The following PEBP4 variants were observed in gnomAD, a reference collection of about 807,000 sequenced individuals.
PEBP4 encodes the protein phosphatidylethanolamine-binding protein 4.
In PEBP4, 22 loss-of-function variants were observed where a neutral mutation model predicts 23.9. The ratio of observed to expected loss-of-function variants is 0.92; its 90% CI spans 0.66 to 1.31. The LOEUF (loss-of-function observed/expected upper bound fraction) is 1.31, where lower values mean the gene tolerates loss of function less well. Ranked by LOEUF, PEBP4 falls within the 40% of genes most tolerant of loss-of-function variation. The probability of loss-of-function intolerance (pLI) is 0.00; values close to 1 mark genes in which losing one functional copy is unlikely to be tolerated. For synonymous variants in PEBP4, 112 were observed against 99.3 expected, an observed-to-expected ratio of 1.13 and a Z score of -0.76; for missense variants, 324 against 281.7, an observed-to-expected ratio of 1.15 and a Z score of -1.07.
chr8:22,838,665 C>A (rs1423544805), intron 3 of PEBP4, among the ~76,000 whole-genome samples: 6 of 152,290 alleles, frequency 3.9e-5, no homozygotes, highest in Non-Finnish European at 7.3e-5. Context: ...ACCCAGGAAG[C>A]CTCGGCGGTG....
chr8:22,721,962 C>G (rs1307103526), intron 6 of PEBP4, among the ~76,000 whole-genome samples: 1 of 152,202 alleles, frequency 6.6e-6, no homozygotes, highest in Non-Finnish European at 1.5e-5. Flanking sequence ...TCATCCACAC[C>G]TCACTGCCTC....
At chr8:22,723,422 T>G (rs1230178088) in intron 6 of PEBP4, among the ~76,000 whole-genome samples, 2 of 151,996 alleles carry the variant, frequency 1.3e-5, no homozygotes, top group Non-Finnish European at 2.9e-5. Context: ...TATCCTTCCC[T>G]CCATCCTGCC....
At chr8:22,836,131 C>A (rs1807200193) in intron 3 of PEBP4, among the ~76,000 whole-genome samples, 1 of 152,246 alleles carries the variant, frequency 6.6e-6, no homozygotes, top group Admixed American at 6.5e-5. Context: ...CCTAAACTCT[C>A]TGGGCCTCAG....
At chr8:22,730,053 A>G (rs34040712) in intron 4 of PEBP4, among the ~76,000 whole-genome samples, 21,410 of 152,180 alleles carry the variant, frequency 0.14, 1,941 homozygotes, top group Middle Eastern at 0.21. Flanking sequence ...GAGATCAGCT[A>G]ACTCAAGGTC....
chr8:22,817,804 TCCTTTTCCCGCCATTCCAACCGAGAA>T (rs1806776602), intron 3 of PEBP4, 69 bp from the exon 4 acceptor site: 1 of 1,403,318 alleles, frequency 7.1e-7, no homozygotes, highest in African/African-American at 1.4e-5. Context: ...GGGGCAGACC[TCCTTTTCCCGCCATTCCAACCGAGAA>T]TGGCTGAGTA....
At chr8:22,848,836 G>T (rs1381804021) in intron 3 of PEBP4, among the ~76,000 whole-genome samples, 1 of 152,216 alleles carries the variant, frequency 6.6e-6, no homozygotes, top group South Asian at 2.1e-4. Context: ...GAGCGGAATT[G>T]TTTCCCTTTG....
At chr8:22,794,346 C>A (rs1806198612) in intron 4 of PEBP4, among the ~76,000 whole-genome samples, 1 of 151,858 alleles carries the variant, frequency 6.6e-6, no homozygotes, top group African/African-American at 2.4e-5. Flanking sequence ...AGTTGGAATG[C>A]AGTAGCTCAA....
intron 3 of PEBP4, among the ~76,000 whole-genome samples, chr8:22,847,230 G>C (rs1807457402): frequency 6.6e-6 from 1 of 152,196 alleles, no homozygotes; most frequent in African/African-American, 2.4e-5. Flanking sequence ...CCCTGGGGCA[G>C]CAGGGTCAGA....
chr8:22,820,760 G>A (rs972734040), intron 3 of PEBP4, among the ~76,000 whole-genome samples: 1 of 152,252 alleles, frequency 6.6e-6, no homozygotes, highest in Admixed American at 6.5e-5. Context: ...TAAGGCATCT[G>A]AAAAGAAATA....
intron 3 of PEBP4, among the ~76,000 whole-genome samples, chr8:22,852,522 G>A (rs563650836): frequency 1.3e-5 from 2 of 152,076 alleles, no homozygotes; most frequent in African/African-American, 4.8e-5. Flanking sequence ...GTTGGTAAAT[G>A]AACAGCAGCG....
At chr8:22,715,700 G>A (rs1185922320) in intron 6 of PEBP4, among the ~76,000 whole-genome samples, 1 of 152,224 alleles carries the variant, frequency 6.6e-6, no homozygotes, top group Non-Finnish European at 1.5e-5. Context: ...CGACAGCCCT[G>A]TGGTTCTCGG....
chr8:22,895,070 A>G (rs1385673201), intron 3 of PEBP4, among the ~76,000 whole-genome samples: 1 of 152,210 alleles, frequency 6.6e-6, no homozygotes, highest in Non-Finnish European at 1.5e-5. Context: ...TTTGTTTTTT[A>G]ATATTTATTG....
chr8:22,713,699 G>A (rs892819846), intron 6 of PEBP4, among the ~76,000 whole-genome samples, 163 bp from the exon 7 acceptor site: 1 of 152,212 alleles, frequency 6.6e-6, no homozygotes, highest in Non-Finnish European at 1.5e-5. Flanking sequence ...CTGTTGCAGA[G>A]GTAGCCCCCA....
chr8:22,867,283 G>A (rs1333669346), intron 3 of PEBP4, among the ~76,000 whole-genome samples: 1 of 152,170 alleles, frequency 6.6e-6, no homozygotes, highest in East Asian at 1.9e-4. Flanking sequence ...GTCAGAAGGT[G>A]CCAAAGTGCT....
rs370542068 is a variant in PEBP4 at position 22,779,098 on chromosome 8, G to T, written c.357+38539C>A. 4.3e-4 allele frequency among the ~76,000 whole-genome samples: 65 copies of T among 151,554 alleles called. No individual in the cohort carries two copies. The East Asian group carries it at 8.2e-3, about 19-fold the overall frequency. On this transcript the variant is annotated intron_variant, in intron 4 of 6. Coordinates refer to ENST00000256404, the MANE Select transcript of PEBP4 (RefSeq NM_144962.3). ...GGAGGTGGGGGAGGAGGGGGATGGGGTTTCCTCACCAAGTCAGCTGGCTCC... is the reference window on the plus strand; with the variant it reads ...GGAGGTGGGGGAGGAGGGGGATGGGTTTTCCTCACCAAGTCAGCTGGCTCC...
chr8:22,923,266 G>A lies in PEBP4; in HGVS notation c.132-2956C>T, dbSNP rs557875712. ...GGTGGTCATGTGGGTCTCTGTCATG[G>A]CAAGAATTAGATCACAAGGGCTGGG... On this transcript the variant is annotated intron_variant, in intron 2 of 6. Transcript: ENST00000256404. 5.3e-5 allele frequency among the ~76,000 whole-genome samples: 8 copies of A among 152,194 alleles called. No individual in the cohort carries two copies. In the South Asian group the frequency reaches 1.2e-3, roughly 24 times the overall value.
chr8:22,880,603 G>C (rs1363240713), intron 3 of PEBP4: 23 of 152,360 alleles, frequency 1.5e-4, no homozygotes, highest in Admixed American at 1.5e-3. Flanking sequence ...CTACTGTATG[G>C]CAGGTGCATG....
intron 4 of PEBP4, among the ~76,000 whole-genome samples, chr8:22,795,143 G>GTGTATATATATATA (rs1268855798): frequency 3.0e-4 from 15 of 49,924 alleles, no homozygotes; most frequent in African/African-American, 1.3e-3. Flanking sequence ...ATGTGTGTGT[G>GTGTATATATATATA]TATATATATA....
chr8:22,823,284 A>G (rs1563228145), intron 3 of PEBP4, among the ~76,000 whole-genome samples: 2 of 151,972 alleles, frequency 1.3e-5, no homozygotes, highest in South Asian at 2.1e-4. Flanking sequence ...CTGGCTCACT[A>G]TGTGGAATAA....
Sources: gnomAD v4.1 joint callset for allele counts (sites outside exome capture counted in the v4.1 genomes callset) on GRCh38, gnomAD v4.1.1 for gene constraint, MANE v1.5 for transcripts, NCBI Gene and HGNC (gene_info 2026-07-23, HGNC 2026-07-21) for gene names.